Variants in IGSF1 observed in about 807,000 individuals in gnomAD.
IGSF1 encodes the protein immunoglobulin-like domain-containing protein 1.
A neutral mutation model predicts 95.3 loss-of-function variants in IGSF1; 40 were observed. That is an observed-to-expected ratio of 0.42 (90% CI 0.33 to 0.55). IGSF1 has a LOEUF of 0.55. Among genes scored for constraint, IGSF1 ranks in the 20% least tolerant of loss-of-function variants. IGSF1 has a pLI of 0.10. For synonymous variants in IGSF1, 372 were observed against 382.9 expected (o/e 0.97, Z 0.33); for missense variants, 906 against 1,025.4 (o/e 0.88, Z 1.59).
At position 131,274,096 on chromosome X, in the gene IGSF1, G is replaced by A; in HGVS notation, c.3862C>T (p.Arg1288Ter). ...VLAIEWKKWPRLRTRGSETDG... is the reference protein window; with the variant it reads ...VLAIEWKKWP ...GCATTTATTTACCTGGTTCGCAGTCGAGGCCACTTCTTCCACTCTATGGCT... is the reference window on the plus strand; with the variant it reads ...GCATTTATTTACCTGGTTCGCAGTCAAGGCCACTTCTTCCACTCTATGGCT... Residue 1288 changes from arginine (R) to a stop codon, truncating the protein, a stop_gained, in exon 19 of 20, where the codon CGA becomes TGA. Coordinates refer to ENST00000361420, the MANE Select transcript of IGSF1 (RefSeq NM_001555.5). LOFTEE classifies it high-confidence loss of function. The A allele has an allele frequency of 8.3e-7, 1 of 1,211,431 alleles. No individual in the cohort carries two copies. Among genetic ancestry groups the A allele is most frequent in the Non-Finnish European group, 1.1e-6 (1 of 895,367 alleles).
In IGSF1 at chrX:131,275,711, C is replaced by T; in HGVS notation, c.2951G>A (p.Gly984Glu). 16 of 1,210,859 alleles carry T rather than the reference C, an allele frequency of 1.3e-5. No homozygotes were observed. Among genetic ancestry groups the T allele is most frequent in the Non-Finnish European group, 1.8e-5 (16 of 894,850 alleles). The change falls in exon 16 of 20, where the codon GGG becomes GAG. Residue 984 changes from glycine (G) to glutamate (E), a missense_variant. Gly to Glu is a moderately conservative substitution (Grantham distance 98). Coordinates refer to ENST00000361420, the MANE Select transcript of IGSF1 (RefSeq NM_001555.5). ...FAEPSSVVPM[G>E]QNVTLWCRGP... ...TCGGCACCAGAGAGTAACATTCTGCCCCATGGGAACCACAGAACTGGGCTC... is the reference window on the plus strand; with the variant it reads ...TCGGCACCAGAGAGTAACATTCTGCTCCATGGGAACCACAGAACTGGGCTC...
chrX:131,283,623 G>C (rs2080593566), intron 5 of IGSF1, among the ~76,000 whole-genome samples: 1 of 112,141 alleles, frequency 8.9e-6, no homozygotes, highest in Non-Finnish European at 1.9e-5. Flanking sequence ...CATCTTTGCA[G>C]AGCATGAATG....
In IGSF1 at chrX:131,279,322, T is replaced by A. The variant is rs200369168; in HGVS notation, c.1666A>T (p.Thr556Ser). 7.3e-5 allele frequency: 88 copies of A among 1,207,853 alleles called. No individual in the cohort carries two copies. Among genetic ancestry groups the A allele is most frequent in the Non-Finnish European group, 9.3e-5 (83 of 893,592 alleles). ...LRIREAWLLG[T>S]AQGVTMLFIV... ...AAGAGCATGGTGACCCCTTGAGCTGTTCCCAGCAACCAGGCTTCTCTAGTG... is the reference window on the plus strand; with the variant it reads ...AAGAGCATGGTGACCCCTTGAGCTGATCCCAGCAACCAGGCTTCTCTAGTG... Residue 556 changes from threonine to serine, a missense_variant, in exon 10 of 20, where the codon ACA becomes TCA. Thr to Ser is a moderately conservative substitution (Grantham distance 58). Around this residue, in one of 5 missense-constraint regions of IGSF1, gnomAD observed 442 missense variants for 448.1 expected, o/e 0.99. Coordinates refer to ENST00000361420, the MANE Select transcript of IGSF1 (RefSeq NM_001555.5).
In IGSF1 at chrX:131,284,811, T is replaced by A. The variant is rs2080609807; in HGVS notation, c.667+368A>T. 3.4e-6 allele frequency: 3 copies of A among 882,304 alleles called. No homozygotes were observed. The African/African-American group carries it at 6.2e-5, about 18-fold the overall frequency. 72.7% of individuals were successfully genotyped at this position (882,304 alleles called of 1,213,427 possible). ...TACAAATAAAATACATTTGCAAATT[T>A]AAAACTCCATTTATAAGATTGCAGT... On this transcript the variant is annotated intron_variant, in intron 5 of 19. Coordinates refer to ENST00000361420, the MANE Select transcript of IGSF1 (RefSeq NM_001555.5).
At chrX:131,277,818 C>G (rs2080496280) in intron 13 of IGSF1, 38 bp downstream of exon 13, 2 of 1,176,933 alleles carry the variant, frequency 1.7e-6, no homozygotes, top group Non-Finnish European at 2.3e-6. Context: ...TTTCCCTCCA[C>G]CCTGCCCCCT....
At chrX:131,276,894 A>G (rs770243571) in intron 14 of IGSF1, 45 bp downstream of exon 14, 3 of 1,154,374 alleles carry the variant, frequency 2.6e-6, no homozygotes, top group Non-Finnish European at 3.5e-6. Flanking sequence ...TCCACCCACC[A>G]TCCCAGGGTT....
chrX:131,285,473 G>A lies in IGSF1; in HGVS notation c.380-7C>T. 8.3e-7 allele frequency: 1 copy of A among 1,199,974 alleles called. No individual in the cohort carries two copies. The highest frequency in any genetic ancestry group is 1.8e-5 in the South Asian group (1 of 54,508). On this transcript the variant is annotated splice_polypyrimidine_tract_variant and splice_region_variant and intron_variant, in intron 4 of 19. Coordinates refer to ENST00000361420, the MANE Select transcript of IGSF1 (RefSeq NM_001555.5). ...ATGGGCTTGGGCAGTTGGCCTGGAA[G>A]GATAGAATGAACTGGAATTAGGTAA...
In IGSF1 at chrX:131,274,988, C is replaced by T. The variant is rs1569400896; in HGVS notation, c.3472+11G>A. 8.3e-7 allele frequency: 1 copy of T among 1,210,137 alleles called. No homozygotes were observed. The highest frequency in any genetic ancestry group is 3.0e-5 in the East Asian group (1 of 33,832). ...AAATCGTGACTTGTACTGAAGTCTC[C>T]AGGACCTTACCAGTCACCCAGATCT... On this transcript the variant is annotated intron_variant, in intron 17 of 19. Transcript: ENST00000361420.
chrX:131,289,105 T>G (rs1231483606), intron 1 of IGSF1, 109 bp downstream of exon 1: 3 of 354,615 alleles, frequency 8.5e-6, no homozygotes, highest in African/African-American at 7.7e-5. Flanking sequence ...CAGTTTGATT[T>G]ACGGCAATTA....
Position 131,281,620 on chromosome X carries a change from T to A in IGSF1, c.1525+46A>T, listed in dbSNP as rs1003404697. On this transcript the variant is annotated intron_variant, in intron 8 of 19. Transcript: ENST00000361420. ...TATCTTTCTGGGCACTGATCTGGGA[T>A]CCCTGGGGTATGGAGGGGCATTCCT... 2.2e-5 allele frequency: 26 copies of A among 1,161,739 alleles called. No homozygotes were observed. The Middle Eastern group carries it at 1.5e-3, about 65-fold the overall frequency.
At chrX:131,279,727 G>A (rs2080529087) in intron 9 of IGSF1, among the ~76,000 whole-genome samples, 1 of 111,284 alleles carries the variant, frequency 9.0e-6, no homozygotes, top group Non-Finnish European at 1.9e-5. Context: ...GGTGTGTGTG[G>A]GGGTGGAGGG....
intron 5 of IGSF1, chrX:131,284,619 A>G: frequency 1.3e-6 from 1 of 751,091 alleles, no homozygotes; most frequent in Non-Finnish European, 1.6e-6. Context: ...TTTCTTCTAT[A>G]TTTAGAGATT....
At position 131,277,991 on chromosome X, in the gene IGSF1, C is replaced by T; in HGVS notation, c.2185G>A (p.Val729Ile). 8.3e-7 allele frequency: 1 copy of T among 1,211,647 alleles called. No individual in the cohort carries two copies. The highest frequency in any genetic ancestry group is 1.1e-6 in the Non-Finnish European group (1 of 895,395). The change falls in exon 13 of 20, where the codon GTT (valine) becomes ATT (isoleucine). Residue 729 changes from valine to isoleucine, a missense_variant. Around this residue, in one of 5 missense-constraint regions of IGSF1, gnomAD observed 411 missense variants for 494.9 expected, o/e 0.83. Coordinates refer to ENST00000361420, the MANE Select transcript of IGSF1 (RefSeq NM_001555.5). ...ATTGTAAAGAAGGCTTCTCTTCCAA[C>T]AGCACCAAGTTGCTGGACAGGTTCT... ...EQEPVQQLGAVGREAFFTIQR... is the reference protein window; with the variant it reads ...EQEPVQQLGAIGREAFFTIQR...
Position 131,276,992 on chromosome X carries a change from T to A in IGSF1, c.2555A>T (p.Tyr852Phe), listed in dbSNP as rs1164339199. 2 of 1,209,362 alleles carry A rather than the reference T, an allele frequency of 1.7e-6. No individual in the cohort carries two copies. Among genetic ancestry groups the A allele is most frequent in the African/African-American group, 3.5e-5 (2 of 56,967 alleles). Residue 852 changes from tyrosine to phenylalanine, a missense_variant, in exon 14 of 20, where the codon TAT becomes TTT. Tyr to Phe is a conservative substitution (Grantham distance 22, BLOSUM62 3). Transcript: ENST00000361420. ...GDGGNYSCRY[Y>F]DFSIWSEPSD... ...GGGCTCAGACCAGATAGAAAAGTCATAATATCGGCAGCTGTAATTCCCTCC... is the reference window on the plus strand; with the variant it reads ...GGGCTCAGACCAGATAGAAAAGTCAAAATATCGGCAGCTGTAATTCCCTCC...
At chrX:131,279,756 T>A (rs191321936) in intron 9 of IGSF1, among the ~76,000 whole-genome samples, 29 of 111,641 alleles carry the variant, frequency 2.6e-4, no homozygotes, top group Non-Finnish European at 5.6e-5. Flanking sequence ...TGAGTATTTC[T>A]CAGTCATCAA....
At chrX:131,282,857 T>C in intron 6 of IGSF1, 120 bp from the exon 7 acceptor site, 1 of 940,478 alleles carries the variant, frequency 1.1e-6, no homozygotes, top group Middle Eastern at 2.7e-4. Context: ...CACCCAGTTT[T>C]ACAAATTCTG....
chrX:131,279,373 T>C, intron 9 of IGSF1, 32 bp from the exon 10 acceptor site: 1 of 1,144,025 alleles, frequency 8.7e-7, no homozygotes, highest in Non-Finnish European at 1.2e-6. Context: ...TGAGAGGAGT[T>C]GCTGGGATGA....
At chrX:131,274,256 A>G (rs753039527) in intron 18 of IGSF1, 50 bp from the exon 19 acceptor site, 2 of 1,199,201 alleles carry the variant, frequency 1.7e-6, no homozygotes, top group East Asian at 3.0e-5. Flanking sequence ...TAGCGTGTGT[A>G]TGTTCCCCTT....
Position 131,275,901 on chromosome X carries a change from C to G in IGSF1, c.2896+60G>C, listed in dbSNP as rs766942342. The G allele has an allele frequency of 7.4e-4, 865 of 1,166,929 alleles. 1 individual carries two copies. The highest frequency in any genetic ancestry group is 9.8e-4 in the Non-Finnish European group (842 of 863,062). The stretch of plus-strand genomic sequence containing the variant: ...TAGCCTAGCCTTCCAGGAGGAATTA[C>G]TCTCCCTAACCCCTTCTCCAATGAT... On this transcript the variant is annotated intron_variant, in intron 15 of 19. Coordinates refer to ENST00000361420, the MANE Select transcript of IGSF1 (RefSeq NM_001555.5).
Sources: allele counts gnomAD v4.1 joint callset (sites outside exome capture counted in the v4.1 genomes callset), GRCh38; gene constraint gnomAD v4.1.1; regional missense constraint gnomAD v4.1.1; transcripts MANE v1.5; gene names NCBI Gene and HGNC (gene_info 2026-07-23, HGNC 2026-07-21).